Variants in DGKB observed in about 807,000 individuals in gnomAD.
DGKB encodes the protein diacylglycerol kinase beta, also known as 90 kDa diacylglycerol kinase.
In DGKB, 67 loss-of-function variants were observed where a neutral mutation model predicts 114.3. That is an observed-to-expected ratio of 0.59 (90% CI 0.48 to 0.72). DGKB has a LOEUF of 0.72. Among genes scored for constraint, DGKB ranks in the 30% least tolerant of loss-of-function variants. The probability of loss-of-function intolerance (pLI) is 0.00; values close to 1 mark genes in which losing one functional copy is unlikely to be tolerated. For missense variants in DGKB, 907 were observed against 975.2 expected, an observed-to-expected ratio of 0.93 and a Z score of 0.93; for synonymous variants, 398 against 323.1, an observed-to-expected ratio of 1.23 and a Z score of -2.49.
chr7:14,159,648 T>A (rs193006510), intron 25 of DGKB, among the ~76,000 whole-genome samples: 1 of 152,320 alleles, frequency 6.6e-6, no homozygotes, highest in African/African-American at 2.4e-5. Flanking sequence ...AAATGTTTGC[T>A]GAAAGAATGA....
chr7:14,444,669 T>C (rs913145178), intron 21 of DGKB, among the ~76,000 whole-genome samples: 4 of 151,912 alleles, frequency 2.6e-5, no homozygotes, highest in Admixed American at 6.6e-5. Flanking sequence ...GTCAGACATT[T>C]TTATCCTCAA....
At position 14,263,202 on chromosome 7, in the gene DGKB, T is replaced by C. The variant is rs148425482; in HGVS notation, c.2122+75313A>G. ...ATAAACCGTTTTCTATGTGCCCGAG[T>C]AAACTGTGAGTTTGCAACCCTACAA... On this transcript the variant is annotated intron_variant, in intron 23 of 25. Coordinates refer to ENST00000402815, the MANE Select transcript of DGKB (RefSeq NM_001350709.2). Among the ~76,000 whole-genome samples, 3 of 152,282 alleles carry C rather than the reference T, an allele frequency of 2.0e-5. No individual in the cohort carries two copies. The East Asian group carries it at 5.8e-4, about 29-fold the overall frequency.
At chr7:14,577,696 T>A (rs953928537) in intron 19 of DGKB, among the ~76,000 whole-genome samples, 2 of 152,200 alleles carry the variant, frequency 1.3e-5, no homozygotes, top group Non-Finnish European at 2.9e-5. Context: ...TGCAATTAAA[T>A]TTTTGTTAAG....
chr7:14,470,254 A>G (rs1205289962), intron 21 of DGKB, among the ~76,000 whole-genome samples: 1 of 151,912 alleles, frequency 6.6e-6, no homozygotes, highest in Non-Finnish European at 1.5e-5. Context: ...TTTATTCAAA[A>G]CACTAAAAAT....
chr7:14,523,005 A>G (rs1013363886), intron 20 of DGKB, among the ~76,000 whole-genome samples: 2 of 152,186 alleles, frequency 1.3e-5, no homozygotes, highest in Non-Finnish European at 2.9e-5. Flanking sequence ...GTCCCATATT[A>G]TCTATGGCCT....
chr7:14,904,802 ATAT>A (rs1467277345), upstream of DGKB, among the ~76,000 whole-genome samples: 5 of 152,188 alleles, frequency 3.3e-5, no homozygotes, highest in African/African-American at 7.2e-5. Flanking sequence ...CACACAATTA[ATAT>A]TATTAACAGT....
In DGKB at chr7:14,231,092, TTTCTTTCTTTCTTTCTTTC is replaced by T. The variant is rs1791693363; in HGVS notation, c.2123-52960_2123-52942del. Among the ~76,000 whole-genome samples, 3 of 92,108 alleles carry T rather than the reference TTTCTTTCTTTCTTTCTTTC, an allele frequency of 3.3e-5. No individual in the cohort carries two copies. In the South Asian group the frequency reaches 1.1e-3, roughly 34 times the overall value. The allele number at this position is 92,108 out of a possible 152,430, so 60.4% of individuals were successfully genotyped here. A position where few individuals can be genotyped will look rare whatever the true frequency, so the allele number is the denominator to read the frequency against. On this transcript the variant is annotated intron_variant, in intron 23 of 25. Transcript: ENST00000402815. The stretch of plus-strand genomic sequence containing the variant: ...ATTCTTTCTTCTTTCCCTTTCTTTC[TTTCTTTCTTTCTTTCTTTC>T]TTTCTTTCTTTCTTTCTTTCTTTCT...
At chr7:14,170,611 C>G (rs575600069) in intron 25 of DGKB, among the ~76,000 whole-genome samples, 1 of 152,206 alleles carries the variant, frequency 6.6e-6, no homozygotes, top group African/African-American at 2.4e-5. Flanking sequence ...TCCTTTATAT[C>G]TTAATGGCCT....
At chr7:14,782,916 T>G (rs1391691306) in intron 2 of DGKB, among the ~76,000 whole-genome samples, 6 of 152,048 alleles carry the variant, frequency 3.9e-5, no homozygotes, top group Non-Finnish European at 5.9e-5. Context: ...CCCTTCTGCC[T>G]CGAAATTCTG....
chr7:14,148,447 G>C lies in DGKB; in HGVS notation c.*684C>G, dbSNP rs1465692880. The C allele has an allele frequency of 6.6e-6, 1 of 152,584 alleles. No individual in the cohort carries two copies. The highest frequency in any genetic ancestry group is 1.5e-5 in the Non-Finnish European group (1 of 68,060). The allele number at this position is 152,584 out of a possible 1,614,324, so 9.5% of individuals were successfully genotyped here. On this transcript the variant is annotated 3_prime_UTR_variant, in exon 26 of 26. Transcript: ENST00000402815. ...GCTTGCCATATTACCACACTTGACT[G>C]TCAAGTAACATGTTTTCACTTATTT...
At chr7:14,294,758 A>G (rs1562862969) in intron 23 of DGKB, among the ~76,000 whole-genome samples, 1 of 152,190 alleles carries the variant, frequency 6.6e-6, no homozygotes, top group African/African-American at 2.4e-5. Flanking sequence ...TGAATATATT[A>G]TATGGGATGG....
intron 20 of DGKB, among the ~76,000 whole-genome samples, chr7:14,480,750 T>C (rs1263518670): frequency 1.3e-5 from 2 of 152,134 alleles, no homozygotes; most frequent in Non-Finnish European, 2.9e-5. Context: ...TATTTATTCA[T>C]TGAGAACCAC....
chr7:14,786,136 A>G (rs1839861342), intron 2 of DGKB, among the ~76,000 whole-genome samples: 1 of 148,972 alleles, frequency 6.7e-6, no homozygotes, highest in Non-Finnish European at 1.5e-5. Context: ...TTCCAGGAAC[A>G]TGTACACACA....
upstream of DGKB, among the ~76,000 whole-genome samples, chr7:14,905,703 A>G (rs1253698849): frequency 1.3e-5 from 2 of 152,192 alleles, no homozygotes; most frequent in African/African-American, 2.4e-5. Flanking sequence ...ACTGAAGAGA[A>G]CCCAAAAGTT....
At chr7:14,453,820 G>T (rs927710200) in intron 21 of DGKB, among the ~76,000 whole-genome samples, 2 of 152,098 alleles carry the variant, frequency 1.3e-5, no homozygotes, top group South Asian at 4.1e-4. Context: ...CCTTGGTTGT[G>T]TTCCACAAAA....
intron 21 of DGKB, among the ~76,000 whole-genome samples, chr7:14,460,435 A>C (rs1832907707): frequency 6.6e-6 from 1 of 152,164 alleles, no homozygotes; most frequent in East Asian, 1.9e-4. Flanking sequence ...CAAAGAAAAA[A>C]AAAACCAGGG....
chr7:14,765,556 T>C (rs1237799562), intron 2 of DGKB, among the ~76,000 whole-genome samples: 1 of 151,988 alleles, frequency 6.6e-6, no homozygotes, highest in Non-Finnish European at 1.5e-5. Context: ...TATCTACATC[T>C]AATGTTTTGA....
intron 19 of DGKB, among the ~76,000 whole-genome samples, chr7:14,579,235 T>C (rs1307352030): frequency 6.6e-6 from 1 of 152,214 alleles, no homozygotes; most frequent in Non-Finnish European, 1.5e-5. Context: ...CCTCACTGTA[T>C]ATTTAGCACC....
intron 21 of DGKB, among the ~76,000 whole-genome samples, chr7:14,354,710 C>A (rs896824815): frequency 6.6e-6 from 1 of 152,042 alleles, no homozygotes; most frequent in African/African-American, 2.4e-5. Flanking sequence ...TCCATAGTTA[C>A]CAAGCAATCT....
Sources: gnomAD v4.1 joint callset for allele counts (sites outside exome capture counted in the v4.1 genomes callset) on GRCh38, gnomAD v4.1.1 for gene constraint, MANE v1.5 for transcripts, NCBI Gene and HGNC (gene_info 2026-07-23, HGNC 2026-07-21) for gene names.